PLPPR2: variants seen among roughly 807,000 people sequenced by gnomAD.
PLPPR2 encodes the protein phospholipid phosphatase related 2.
Under a neutral mutation model 40.3 loss-of-function variants are expected in PLPPR2, and 11 were observed. The observed-to-expected ratio is 0.27, with a 90% CI of 0.17 to 0.45. The LOEUF is 0.45. Ranked by LOEUF, PLPPR2 falls within the 20% of genes least tolerant of loss-of-function variation. PLPPR2 has a pLI of 1.00. For missense variants in PLPPR2, 497 were observed against 640.7 expected, an observed-to-expected ratio of 0.78 and a Z score of 2.42; for synonymous variants, 260 against 290.8, an observed-to-expected ratio of 0.89 and a Z score of 1.08.
chr19:11,360,630 AAG>A (rs1353872211), intron 5 of PLPPR2, among the ~76,000 whole-genome samples: 1 of 151,814 alleles, frequency 6.6e-6, no homozygotes, highest in East Asian at 1.9e-4. Context: ...TCAGGCACAA[AAG>A]AGAGACACAG....
In PLPPR2 at chr19:11,362,380, T is replaced by C. The variant is rs1192275542; in HGVS notation, c.664-133T>C. The C allele has an allele frequency of 1.0e-6, 1 of 988,310 alleles. No homozygotes were observed. The highest frequency in any genetic ancestry group is 1.6e-5 in the African/African-American group (1 of 61,254). The allele number at this position is 988,310 out of a possible 1,614,324, so 61.2% of individuals were successfully genotyped here. On this transcript the variant is annotated intron_variant, in intron 6 of 9. Coordinates refer to ENST00000688289, the MANE Select transcript of PLPPR2 (RefSeq NM_001393892.1). The surrounding 1 kb of genome is among the most constrained non-coding windows in gnomAD (Gnocchi z 5.3). ...GAAAAGCCCACTGGGAGCCCATGACTCCAACCCTGGAGCCCCTGGCCACTC... is the reference window on the plus strand; with the variant it reads ...GAAAAGCCCACTGGGAGCCCATGACCCCAACCCTGGAGCCCCTGGCCACTC...
chr19:11,360,070 C>T (rs764162102), intron 5 of PLPPR2, 114 bp downstream of exon 5: 6 of 1,371,136 alleles, frequency 4.4e-6, no homozygotes, highest in Admixed American at 2.8e-5. Context: ...TGGTGGCTCA[C>T]GCCTGTAATC....
Position 11,364,492 on chromosome 19 carries a change from G to A in PLPPR2, c.1161G>A (p.Ala387=), listed in dbSNP as rs763689671. 1.2e-5 allele frequency: 18 copies of A among 1,517,122 alleles called. No homozygotes were observed. The highest frequency in any genetic ancestry group is 4.9e-5 in the East Asian group (2 of 40,914). 94.0% of individuals were successfully genotyped at this position (1,517,122 alleles called of 1,614,324 possible). Residue 387 remains alanine, a synonymous_variant, in exon 10 of 10, where the codon GCG becomes GCA. Transcript: ENST00000688289. The surrounding 1 kb of genome is among the most constrained non-coding windows in gnomAD (Gnocchi z 5.8). The part of the protein sequence containing the change: ...TPLPLPLPLP[A]PTPSQGPSPS... Reference sequence around the variant, plus strand: ...TGCCCCTGCCCCTACCCCTGCCAGCGCCCACCCCCAGCCAGGGCCCCTCGC... The same window carrying A: ...TGCCCCTGCCCCTACCCCTGCCAGCACCCACCCCCAGCCAGGGCCCCTCGC...
At position 11,359,581 on chromosome 19, in the gene PLPPR2, C is replaced by T. The variant is rs768718298; in HGVS notation, c.116C>T (p.Thr39Met). 22 of 1,599,384 alleles carry T rather than the reference C, an allele frequency of 1.4e-5. No individual in the cohort carries two copies. Among genetic ancestry groups the T allele is most frequent in the Middle Eastern group, 1.7e-4 (1 of 6,030 alleles). Residue 39 changes from threonine (T) to methionine (M), a missense_variant, in exon 4 of 10, where the codon ACG becomes ATG. Transcript: ENST00000688289. This position sits in a 1 kb window ranked among gnomAD's most constrained non-coding sequence, Gnocchi z 5.6. ...CTGCTTGCTTACCGCCTGGAGTTCA[C>T]GGACACCTTCCCTGTGCACACCCAG... ...VILLAYRLEF[T>M]DTFPVHTQGF...
chr19:11,357,590 G>C, intron 2 of PLPPR2, 70 bp from the exon 3 acceptor site: 1 of 1,183,958 alleles, frequency 8.4e-7, no homozygotes. Context: ...GATGAAGCCA[G>C]GGTCCCGGTG....
In PLPPR2 at chr19:11,363,517, T is replaced by C. The variant is rs190308131; in HGVS notation, c.841-196T>C. ...CTTGGTCTTACTTACTTTAGCCTAG[T>C]GTGGGGTCTGTGGGATAAATAATAA... On this transcript the variant is annotated intron_variant, in intron 7 of 9. Coordinates refer to ENST00000688289, the MANE Select transcript of PLPPR2 (RefSeq NM_001393892.1). The surrounding 1 kb of genome is among the most constrained non-coding windows in gnomAD (Gnocchi z 4.8). 6.6e-6 allele frequency among the ~76,000 whole-genome samples: 1 copy of C among 152,296 alleles called. No homozygotes were observed. The highest frequency in any genetic ancestry group is 1.9e-4 in the East Asian group (1 of 5,192).
rs1300769807 is a variant in PLPPR2, at chr19:11,363,119, C to G, written c.840+430C>G. ...GACCAGCCTGGTCAACATGGCCAAACCCTGTCCCTGCTAAAAATACAAAAA... is the reference window on the plus strand; with the variant it reads ...GACCAGCCTGGTCAACATGGCCAAAGCCTGTCCCTGCTAAAAATACAAAAA... On this transcript the variant is annotated intron_variant, in intron 7 of 9. Transcript: ENST00000688289. This position sits in a 1 kb window ranked among gnomAD's most constrained non-coding sequence, Gnocchi z 4.8. Among the ~76,000 whole-genome samples the G allele has an allele frequency of 6.6e-6, 1 of 152,028 alleles. No homozygotes were observed. The highest frequency in any genetic ancestry group is 2.1e-4 in the South Asian group (1 of 4,828).
Position 11,362,322 on chromosome 19 carries a change from C to T in PLPPR2, c.664-191C>T, listed in dbSNP as rs3745689. The T allele has an allele frequency of 5.4e-6, 3 of 558,998 alleles. No homozygotes were observed. Among genetic ancestry groups the T allele is most frequent in the East Asian group, 3.1e-5 (1 of 31,758 alleles). The allele number at this position is 558,998 out of a possible 1,614,324, so 34.6% of individuals were successfully genotyped here. Reference sequence around the variant, plus strand: ...GACTCCAAGACCTCAATCCCTGACCCCCCCCCCTTTGCCTTTTTGGTCACG... The same window carrying T: ...GACTCCAAGACCTCAATCCCTGACCTCCCCCCCTTTGCCTTTTTGGTCACG... On this transcript the variant is annotated intron_variant, in intron 6 of 9. Transcript: ENST00000688289. This position sits in a 1 kb window ranked among gnomAD's most constrained non-coding sequence, Gnocchi z 5.3.
chr19:11,361,369 G>C lies in PLPPR2; in HGVS notation c.544G>C (p.Asp182His). Reference sequence around the variant, plus strand: ...ACCTTCTCCGGATCGGCCAGGTCCCGACCGCTTTGTCACTGACCAGGGTGC... The same window carrying C: ...ACCTTCTCCGGATCGGCCAGGTCCCCACCGCTTTGTCACTGACCAGGGTGC... ...LPPSPDRPGP[D>H]RFVTDQGACA... The change falls in exon 6 of 10, where the codon GAC (aspartate) becomes CAC (histidine). Residue 182 changes from aspartate to histidine, a missense_variant. Transcript: ENST00000688289. This position sits in a 1 kb window ranked among gnomAD's most constrained non-coding sequence, Gnocchi z 6.3. The C allele has an allele frequency of 1.2e-6, 2 of 1,612,142 alleles. No individual in the cohort carries two copies. The highest frequency in any genetic ancestry group is 3.3e-5 in the Admixed American group (2 of 60,008).
In PLPPR2 at chr19:11,359,757, C is replaced by A. The variant is rs374000414; in HGVS notation, c.255+37C>A. The A allele has an allele frequency of 6.3e-7, 1 of 1,577,542 alleles. No individual in the cohort carries two copies. Among genetic ancestry groups the A allele is most frequent in the Non-Finnish European group, 8.7e-7 (1 of 1,155,852 alleles). ...AAGACCTCCTAGGAGGCAGGTGGGC[C>A]GGTAAGGGTGGGTGAGGGGATGGGC... is the stretch of plus-strand genomic sequence containing the variant. On this transcript the variant is annotated intron_variant, in intron 4 of 9. Coordinates refer to ENST00000688289, the MANE Select transcript of PLPPR2 (RefSeq NM_001393892.1). This position sits in a 1 kb window ranked among gnomAD's most constrained non-coding sequence, Gnocchi z 5.6.
chr19:11,362,084 C>G lies in PLPPR2; in HGVS notation c.664-429C>G, dbSNP rs1280923797. ...TTTATGCTCCCACCCTGTCAGTGGT[C>G]CCCTAGGGGTCAGGGGCTCCACCTC... On this transcript the variant is annotated intron_variant, in intron 6 of 9. Coordinates refer to ENST00000688289, the MANE Select transcript of PLPPR2 (RefSeq NM_001393892.1). This position sits in a 1 kb window ranked among gnomAD's most constrained non-coding sequence, Gnocchi z 5.3. Among the ~76,000 whole-genome samples, 1 of 152,118 alleles carries G rather than the reference C, an allele frequency of 6.6e-6. No homozygotes were observed. Among genetic ancestry groups the G allele is most frequent in the Non-Finnish European group, 1.5e-5 (1 of 68,000 alleles).
rs1389433158 is a variant in PLPPR2, at chr19:11,363,236, G to A, written c.841-477G>A. ...ACGGAGGTTGCAGTGAACTGAGATC[G>A]TGCCACCTCACTCCAGCCTGGGTGA... On this transcript the variant is annotated intron_variant, in intron 7 of 9. Coordinates refer to ENST00000688289, the MANE Select transcript of PLPPR2 (RefSeq NM_001393892.1). This position sits in a 1 kb window ranked among gnomAD's most constrained non-coding sequence, Gnocchi z 4.8. Among the ~76,000 whole-genome samples the A allele has an allele frequency of 2.7e-5, 4 of 150,654 alleles. No individual in the cohort carries two copies. The highest frequency in any genetic ancestry group is 7.3e-5 in the African/African-American group (3 of 40,844).
chr19:11,364,792 C>A lies in PLPPR2; in HGVS notation c.*102C>A. On this transcript the variant is annotated 3_prime_UTR_variant, in exon 10 of 10. Coordinates refer to ENST00000688289, the MANE Select transcript of PLPPR2 (RefSeq NM_001393892.1). The surrounding 1 kb of genome is among the most constrained non-coding windows in gnomAD (Gnocchi z 5.8). ...GTGCCAAAGTCCCCTGCCCCCCAAG[C>A]CAGCCAGACCCAGACATTAGAAGAT... The A allele has an allele frequency of 1.6e-6, 2 of 1,282,424 alleles. No individual in the cohort carries two copies. The highest frequency in any genetic ancestry group is 1.1e-6 in the Non-Finnish European group (1 of 928,656). The allele number at this position is 1,282,424 out of a possible 1,614,324, so 79.4% of individuals were successfully genotyped here. A position where few individuals can be genotyped will look rare whatever the true frequency, so the allele number is the denominator to read the frequency against.
At chr19:11,358,916 T>C (rs763254488) in intron 3 of PLPPR2, among the ~76,000 whole-genome samples, 3 of 152,272 alleles carry the variant, frequency 2.0e-5, no homozygotes, top group Middle Eastern at 6.8e-3. Flanking sequence ...GGTTTTGTCA[T>C]GTTGTCCAGG....
chr19:11,356,668 G>GTGTGTGTA (rs1262844878), intron 1 of PLPPR2, 134 bp from the exon 2 acceptor site: 1 of 152,012 alleles, frequency 6.6e-6, no homozygotes, highest in Admixed American at 6.6e-5. Context: ...CCATGGTTGT[G>GTGTGTGTA]TGTGTGTGTG....
chr19:11,362,534 C>T lies in PLPPR2; in HGVS notation c.685C>T (p.Arg229Cys), dbSNP rs1333309746. ...YTAMYVTLVF[R>C]VKGSRLVKPS... ...GCAGATGTACGTGACTCTCGTGTTC[C>T]GCGTGAAGGGCTCCCGCCTGGTCAA... The change falls in exon 7 of 10, where the codon CGC becomes TGC. Residue 229 changes from arginine (R) to cysteine (C), a missense_variant. By Grantham distance (180) the Arg-to-Cys change is radical. Coordinates refer to ENST00000688289, the MANE Select transcript of PLPPR2 (RefSeq NM_001393892.1). The surrounding 1 kb of genome is among the most constrained non-coding windows in gnomAD (Gnocchi z 5.3). 8.7e-6 allele frequency: 14 copies of T among 1,610,940 alleles called. No homozygotes were observed. The highest frequency in any genetic ancestry group is 1.1e-5 in the South Asian group (1 of 91,086).
Position 11,361,345 on chromosome 19 carries a change from C to T in PLPPR2, c.520C>T (p.Pro174Ser). ...CTACACGGCCCTGGGCTGCCTGCCA[C>T]CTTCTCCGGATCGGCCAGGTCCCGA... is the stretch of plus-strand genomic sequence containing the variant. ...PNYTALGCLP[P>S]SPDRPGPDRF... The change falls in exon 6 of 10, where the codon CCT (proline) becomes TCT (serine). Residue 174 changes from proline (P) to serine (S), a missense_variant. By Grantham distance (74) the Pro-to-Ser change is moderately conservative. Coordinates refer to ENST00000688289, the MANE Select transcript of PLPPR2 (RefSeq NM_001393892.1). This position sits in a 1 kb window ranked among gnomAD's most constrained non-coding sequence, Gnocchi z 6.3. The T allele has an allele frequency of 6.2e-7, 1 of 1,613,502 alleles. No homozygotes were observed. Among genetic ancestry groups the T allele is most frequent in the Non-Finnish European group, 8.5e-7 (1 of 1,179,966 alleles).
At position 11,359,249 on chromosome 19, in the gene PLPPR2, T is replaced by C. The variant is rs779607292; in HGVS notation, c.67-283T>C. ...TGAGCTCAAGGGATCCTCTTGCCTA[T>C]GCCTCCCAAAGTGCTGGAATTACAG... On this transcript the variant is annotated intron_variant, in intron 3 of 9. Transcript: ENST00000688289. The surrounding 1 kb of genome is among the most constrained non-coding windows in gnomAD (Gnocchi z 5.6). Among the ~76,000 whole-genome samples, 8 of 151,822 alleles carry C rather than the reference T, an allele frequency of 5.3e-5. No homozygotes were observed. The highest frequency in any genetic ancestry group is 1.0e-4 in the Non-Finnish European group (7 of 67,952).
At chr19:11,357,575 C>A (rs1967921378) in intron 2 of PLPPR2, 85 bp from the exon 3 acceptor site, 13 of 977,430 alleles carry the variant, frequency 1.3e-5, no homozygotes, top group Non-Finnish European at 1.8e-5. Flanking sequence ...CCAAAGGACT[C>A]AGGGGATGAA....
Sources: gnomAD v4.1 joint callset for allele counts (sites outside exome capture counted in the v4.1 genomes callset) on GRCh38, gnomAD v4.1.1 for gene constraint, Gnocchi (gnomAD v3.1) non-coding constraint, MANE v1.5 for transcripts, NCBI Gene and HGNC (gene_info 2026-07-23, HGNC 2026-07-21) for gene names.